PLEKHG1: variants seen among roughly 807,000 people sequenced by gnomAD.
The protein encoded by PLEKHG1 is pleckstrin homology domain-containing family G member 1.
Under a neutral mutation model 100.8 loss-of-function variants are expected in PLEKHG1, and 44 were observed. The observed-to-expected ratio is 0.44, with a 90% CI of 0.34 to 0.56. PLEKHG1 has a LOEUF of 0.56. Among genes scored for constraint, PLEKHG1 ranks in the 20% least tolerant of loss-of-function variants. The pLI is 0.01. For missense variants in PLEKHG1, 1,545 were observed against 1,720.9 expected (o/e 0.90, Z 1.81); for synonymous variants, 640 against 662.5 (o/e 0.97, Z 0.52).
At chr6:150,638,903 T>C (rs1778134605) in intron 2 of PLEKHG1, among the ~76,000 whole-genome samples, 1 of 152,242 alleles carries the variant, frequency 6.6e-6, no homozygotes, top group Non-Finnish European at 1.5e-5. Context: ...ATTACTACTT[T>C]ACCTACAGCT....
chr6:150,733,818 A>G (rs376966783), exon 2 of PLEKHG1: 8 of 1,614,066 alleles, frequency 5.0e-6, no homozygotes, highest in African/African-American at 1.3e-5. Flanking sequence ...TTTAACCAGG[A>G]TAAGGAGGTA....
At chr6:150,750,037 A>T (rs1426594766) in intron 2 of PLEKHG1, among the ~76,000 whole-genome samples, 1 of 148,818 alleles carries the variant, frequency 6.7e-6, no homozygotes, top group Non-Finnish European at 1.5e-5. Flanking sequence ...ATGCCGCTGC[A>T]CTCCAGCCTG....
At position 150,605,736 on chromosome 6, in the gene PLEKHG1, A is replaced by C. The variant is rs142239021; in HGVS notation, c.-204+5719A>C. 820 of 152,320 alleles carry C rather than the reference A, an allele frequency of 5.4e-3. 10 individuals are homozygous for C. Among genetic ancestry groups the C allele is most frequent in the African/African-American group, 0.019 (787 of 41,560 alleles). 9.4% of individuals were successfully genotyped at this position (152,320 alleles called of 1,614,324 possible). On this transcript the variant is annotated intron_variant, in intron 1 of 3. Coordinates refer to the PLEKHG1 transcript ENST00000367326. ...GATGAGTTCCTGTTTTATCAGATCT[A>C]AGATATCTTTGAAATATTTCAATTT...
At chr6:150,701,417 TTATATATATATATATATATATATA>T (rs56982419) in intron 3 of PLEKHG1, among the ~76,000 whole-genome samples, 344 of 31,168 alleles carry the variant, frequency 0.011, 19 homozygotes, top group Middle Eastern at 0.023. Context: ...CAGTAATTCT[TTATATATATATATATATATATATA>T]TATATATATA....
chr6:150,811,488 T>G (rs949466025), intron 10 of PLEKHG1, among the ~76,000 whole-genome samples: 5 of 151,904 alleles, frequency 3.3e-5, no homozygotes, highest in African/African-American at 1.2e-4. Flanking sequence ...CCAGGCTGGT[T>G]TCAAACTCCT....
rs1776963072 is a variant in PLEKHG1, at chr6:150,831,945, A to G, written c.2834A>G (p.Asn945Ser). Residue 945 changes from asparagine (N) to serine (S), a missense_variant, in exon 15 of 16, where the codon AAT (asparagine) becomes AGT (serine). Coordinates refer to ENST00000358517, the Ensembl canonical transcript of PLEKHG1. This position sits in a 1 kb window ranked among gnomAD's most constrained non-coding sequence, Gnocchi z 4.1. ...GCTAGTGAAATGCCCCTCATGGACA[A>G]TCCCTACGACCTGGCCAACAGTGGC... 1 of 1,613,750 alleles carries G rather than the reference A, an allele frequency of 6.2e-7. No individual in the cohort carries two copies. The highest frequency in any genetic ancestry group is 8.5e-7 in the Non-Finnish European group (1 of 1,179,790).
At chr6:150,776,759 TACTC>T (rs1213075994) in intron 3 of PLEKHG1, among the ~76,000 whole-genome samples, 16 of 149,964 alleles carry the variant, frequency 1.1e-4, no homozygotes, top group African/African-American at 3.7e-4. Flanking sequence ...AGTTGCACAT[TACTC>T]ACACTGATGC....
At chr6:150,652,751 G>GC (rs1778804184) in intron 3 of PLEKHG1, among the ~76,000 whole-genome samples, 1 of 151,538 alleles carries the variant, frequency 6.6e-6, no homozygotes, top group South Asian at 2.1e-4. Flanking sequence ...AAGGAAAAAG[G>GC]TTTATACTTT....
intron 1 of PLEKHG1, among the ~76,000 whole-genome samples, chr6:150,617,707 G>A (rs1777130170): frequency 6.6e-6 from 1 of 152,210 alleles, no homozygotes; most frequent in Non-Finnish European, 1.5e-5. Context: ...ACTGCTCTAA[G>A]TCAGCTTGTG....
intron 1 of PLEKHG1, among the ~76,000 whole-genome samples, chr6:150,624,495 C>T (rs973334557): frequency 1.3e-5 from 2 of 152,180 alleles, no homozygotes; most frequent in Non-Finnish European, 2.9e-5. Flanking sequence ...TTAAGAAATT[C>T]AGCCAGGACG....
rs911852304 is a variant in PLEKHG1, at chr6:150,800,082, T to C, written c.630-637T>C. ...TCCGTAGGAGCAAGACTATCTGGCTTTCCCAGAAGCTGTATCACTTATAAG... is the reference window on the plus strand; with the variant it reads ...TCCGTAGGAGCAAGACTATCTGGCTCTCCCAGAAGCTGTATCACTTATAAG... On this transcript the variant is annotated intron_variant, in intron 5 of 15. Coordinates refer to ENST00000358517, the Ensembl canonical transcript of PLEKHG1. Among the ~76,000 whole-genome samples the C allele has an allele frequency of 4.6e-5, 7 of 152,300 alleles. No homozygotes were observed. The South Asian group carries it at 1.2e-3, about 27-fold the overall frequency.
At chr6:150,743,751 C>T (rs1209433354) in intron 2 of PLEKHG1, among the ~76,000 whole-genome samples, 1 of 152,198 alleles carries the variant, frequency 6.6e-6, no homozygotes, top group East Asian at 1.9e-4. Context: ...CTCCCACCCC[C>T]TCCTTTTTTT....
At chr6:150,675,103 A>G (rs191120846) in intron 3 of PLEKHG1, among the ~76,000 whole-genome samples, 2 of 152,342 alleles carry the variant, frequency 1.3e-5, no homozygotes, top group African/African-American at 2.4e-5. Flanking sequence ...AGAAATATTT[A>G]ATAACCACAG....
At chr6:150,774,406 T>C (rs1784850228) in intron 3 of PLEKHG1, among the ~76,000 whole-genome samples, 1 of 152,106 alleles carries the variant, frequency 6.6e-6, no homozygotes, top group African/African-American at 2.4e-5. Context: ...GCATATGATT[T>C]TACTCTTTCT....
chr6:150,645,257 T>C (rs1162298292), intron 2 of PLEKHG1, among the ~76,000 whole-genome samples: 1 of 152,178 alleles, frequency 6.6e-6, no homozygotes, highest in Non-Finnish European at 1.5e-5. Flanking sequence ...GGTAATTGGT[T>C]ATCCTTATGG....
intron 14 of PLEKHG1, among the ~76,000 whole-genome samples, chr6:150,826,564 C>T (rs1012935618): frequency 1.3e-5 from 2 of 152,136 alleles, no homozygotes; most frequent in Non-Finnish European, 2.9e-5. Context: ...ACTGCCGTAT[C>T]GAAATTATTA....
intron 7 of PLEKHG1, 54 bp downstream of exon 8, chr6:150,804,795 G>A: frequency 1.9e-6 from 3 of 1,565,956 alleles, no homozygotes; most frequent in Non-Finnish European, 2.6e-6. Context: ...GTGACTTACT[G>A]TTTTCCCAAT....
intron 15 of PLEKHG1, among the ~76,000 whole-genome samples, chr6:150,833,333 G>A (rs912369920): frequency 8.5e-5 from 13 of 152,210 alleles, no homozygotes; most frequent in African/African-American, 2.4e-4. Context: ...GATTACAGGC[G>A]TGAGCCGCCA....
intron 4 of PLEKHG1, among the ~76,000 whole-genome samples, chr6:150,787,428 A>G (rs1021069561): frequency 6.6e-6 from 1 of 152,220 alleles, no homozygotes; most frequent in African/African-American, 2.4e-5. Context: ...GCTGCCTAGT[A>G]TATAGAGATT....
Sources: allele counts gnomAD v4.1 joint callset (sites outside exome capture counted in the v4.1 genomes callset), GRCh38; gene constraint gnomAD v4.1.1; non-coding constraint Gnocchi (gnomAD v3.1); transcripts MANE v1.5; gene names NCBI Gene and HGNC (gene_info 2026-07-23, HGNC 2026-07-21).